The following RGS7BP variants were observed in gnomAD, a reference collection of about 807,000 sequenced individuals.
RGS7BP encodes the protein regulator of G protein signaling 7-binding protein.
A neutral mutation model predicts 31.3 loss-of-function variants in RGS7BP; 9 were observed. That is an observed-to-expected ratio of 0.29 (90% confidence interval 0.17 to 0.50). The LOEUF is 0.50. RGS7BP is among the 20% of genes least tolerant of loss of function. The pLI is 0.98. For missense variants in RGS7BP, 274 were observed against 322.0 expected (o/e 0.85, Z 1.14); for synonymous variants, 115 against 120.1 (o/e 0.96, Z 0.28).
intron 2 of RGS7BP, among the ~76,000 whole-genome samples, chr5:64,514,150 G>T (rs1748911916): frequency 6.6e-6 from 1 of 152,148 alleles, no homozygotes; most frequent in Non-Finnish European, 1.5e-5. Context: ...CCTTGTGTGT[G>T]CATCCATGTT....
chr5:64,508,844 T>G (rs533991546), intron 2 of RGS7BP, among the ~76,000 whole-genome samples: 88 of 152,340 alleles, frequency 5.8e-4, no homozygotes, highest in Non-Finnish European at 1.9e-4. Flanking sequence ...TTTACCTATT[T>G]GAAAGAATCA....
At chr5:64,576,081 G>A (rs927145225) in intron 3 of RGS7BP, among the ~76,000 whole-genome samples, 177 bp downstream of exon 3, 6 of 152,294 alleles carry the variant, frequency 3.9e-5, no homozygotes, top group Admixed American at 3.9e-4. Flanking sequence ...GTACTATTAA[G>A]TGTGTACTAA....
intron 3 of RGS7BP, among the ~76,000 whole-genome samples, chr5:64,585,159 G>A (rs548310389): frequency 6.6e-6 from 1 of 152,264 alleles, no homozygotes; most frequent in East Asian, 1.9e-4. Flanking sequence ...CTGCAAGCCT[G>A]TTCAGTGCAT....
intron 3 of RGS7BP, among the ~76,000 whole-genome samples, chr5:64,590,798 T>C (rs1487914331): frequency 6.6e-6 from 1 of 151,982 alleles, no homozygotes; most frequent in Non-Finnish European, 1.5e-5. Context: ...AAATATAAAA[T>C]AAAACAGTAT....
At chr5:64,533,696 C>T (rs1749431808) in intron 2 of RGS7BP, among the ~76,000 whole-genome samples, 1 of 152,218 alleles carries the variant, frequency 6.6e-6, no homozygotes, top group Non-Finnish European at 1.5e-5. Flanking sequence ...AACAATTTCA[C>T]ATACATTCAA....
chr5:64,570,180 A>T (rs988124642), intron 2 of RGS7BP, among the ~76,000 whole-genome samples: 1 of 152,062 alleles, frequency 6.6e-6, no homozygotes. Flanking sequence ...AATTATAAGT[A>T]AAGACTATAT....
At chr5:64,532,137 G>A (rs1749386170) in intron 2 of RGS7BP, among the ~76,000 whole-genome samples, 1 of 152,106 alleles carries the variant, frequency 6.6e-6, no homozygotes, top group Non-Finnish European at 1.5e-5. Context: ...GAAAAAGAAG[G>A]TGCTCACCAA....
chr5:64,525,436 A>G (rs547935918), intron 2 of RGS7BP, among the ~76,000 whole-genome samples: 50 of 152,292 alleles, frequency 3.3e-4, no homozygotes, highest in African/African-American at 1.2e-3. Flanking sequence ...CTACTCCTTG[A>G]TATCTTGGAG....
intron 5 of RGS7BP, among the ~76,000 whole-genome samples, chr5:64,602,212 C>T (rs374008941): frequency 6.0e-4 from 91 of 152,318 alleles, no homozygotes; most frequent in African/African-American, 2.0e-3. Flanking sequence ...GCAGTTATGC[C>T]ACCATCTAGC....
At chr5:64,510,140 G>T (rs752371929) in intron 2 of RGS7BP, among the ~76,000 whole-genome samples, 2 of 152,188 alleles carry the variant, frequency 1.3e-5, no homozygotes, top group Non-Finnish European at 2.9e-5. Flanking sequence ...TTAGAGAGAA[G>T]AACTGGATTT....
At chr5:64,551,194 A>T (rs929491343) in intron 2 of RGS7BP, among the ~76,000 whole-genome samples, 1 of 151,380 alleles carries the variant, frequency 6.6e-6, no homozygotes, top group Non-Finnish European at 1.5e-5. Flanking sequence ...GTTAAAACAG[A>T]CAAAGATTAC....
At chr5:64,607,280 C>T (rs1743387568) in intron 5 of RGS7BP, among the ~76,000 whole-genome samples, 1 of 152,096 alleles carries the variant, frequency 6.6e-6, no homozygotes, top group Admixed American at 6.6e-5. Context: ...ATCTGAGACA[C>T]ATCTCAGTCA....
At chr5:64,569,376 G>A (rs1480416040) in intron 2 of RGS7BP, among the ~76,000 whole-genome samples, 2 of 151,984 alleles carry the variant, frequency 1.3e-5, no homozygotes, top group Admixed American at 6.6e-5. Flanking sequence ...CAGAAAAATG[G>A]AGACAAGACT....
At position 64,507,767 on chromosome 5, in the gene RGS7BP, T is replaced by C. The variant is rs1748735132; in HGVS notation, c.222T>C (p.Ile74=). Residue 74 remains isoleucine (I), a synonymous_variant, in exon 2 of 6, where the codon ATT becomes ATC. Coordinates refer to ENST00000334025, the MANE Select transcript of RGS7BP (RefSeq NM_001029875.3). ...TGTACCGAGAGCTGGTCATTTCTAT[T>C]GGGGATGTCTCGGTCAGCTGCCCCT... ...VALYRELVIS[I]GDVSVSCPSL... 1 of 1,613,444 alleles carries C rather than the reference T, an allele frequency of 6.2e-7. No individual in the cohort carries two copies. The highest frequency in any genetic ancestry group is 1.3e-5 in the African/African-American group (1 of 74,750).
At position 64,506,535 on chromosome 5, in the gene RGS7BP, G is replaced by A; in HGVS notation, c.-90G>A. On this transcript the variant is annotated 5_prime_UTR_variant, in exon 1 of 6. Coordinates refer to ENST00000334025, the MANE Select transcript of RGS7BP (RefSeq NM_001029875.3). This position sits in a 1 kb window ranked among gnomAD's most constrained non-coding sequence, Gnocchi z 4.6. ...CTGCGCGCCTCAGGTCCGGGCTCCG[G>A]CTGCTTGGCGGCGGCGCCCAGGGCA... 1.6e-6 allele frequency: 2 copies of A among 1,232,206 alleles called. No individual in the cohort carries two copies. Among genetic ancestry groups the A allele is most frequent in the Non-Finnish European group, 1.1e-6 (1 of 885,826 alleles). The allele number at this position is 1,232,206 out of a possible 1,614,324, so 76.3% of individuals were successfully genotyped here. A position where few individuals can be genotyped will look rare whatever the true frequency, so the allele number is the denominator to read the frequency against.
intron 2 of RGS7BP, among the ~76,000 whole-genome samples, chr5:64,553,171 C>CTTTCTT (rs1554055801): frequency 8.5e-6 from 1 of 118,236 alleles, no homozygotes; most frequent in African/African-American, 3.2e-5. Flanking sequence ...TTCTTTCTTT[C>CTTTCTT]TTTTTTTTTT....
intron 2 of RGS7BP, among the ~76,000 whole-genome samples, chr5:64,509,126 TGGA>T (rs1748765598): frequency 6.6e-6 from 1 of 151,850 alleles, no homozygotes; most frequent in Non-Finnish European, 1.5e-5. Context: ...ATCCGGGAAA[TGGA>T]GGGGAATTAA....
chr5:64,552,506 C>A (rs1741820621), intron 2 of RGS7BP, among the ~76,000 whole-genome samples: 1 of 152,104 alleles, frequency 6.6e-6, no homozygotes, highest in South Asian at 2.1e-4. Context: ...AATTTCTCAA[C>A]AAAGGAGAAT....
intron 2 of RGS7BP, among the ~76,000 whole-genome samples, chr5:64,518,144 A>G (rs79860247): frequency 6.6e-6 from 1 of 152,324 alleles, no homozygotes; most frequent in East Asian, 1.9e-4. Flanking sequence ...AATGTTATAC[A>G]TAGTACTTAG....
Sources: gnomAD v4.1 joint callset for allele counts (sites outside exome capture counted in the v4.1 genomes callset) on GRCh38, gnomAD v4.1.1 for gene constraint, Gnocchi (gnomAD v3.1) non-coding constraint, MANE v1.5 for transcripts, NCBI Gene and HGNC (gene_info 2026-07-23, HGNC 2026-07-21) for gene names.